The following SRGAP3 variants were observed in gnomAD, a reference collection of about 807,000 sequenced individuals.
SRGAP3 encodes SLIT-ROBO Rho GTPase activating protein 3.
In SRGAP3, 39 loss-of-function variants were observed where a neutral mutation model predicts 121.1. The observed-to-expected ratio is 0.32, with a 90% confidence interval of 0.25 to 0.42. The LOEUF (loss-of-function observed/expected upper bound fraction) is 0.42, where lower values mean the gene tolerates loss of function less well. Among genes scored for constraint, SRGAP3 ranks in the 10% least tolerant of loss-of-function variants. SRGAP3 has a pLI of 1.00. For synonymous variants in SRGAP3, 601 were observed against 570.0 expected (o/e 1.05, Z -0.77); for missense variants, 1,213 against 1,470.6 (o/e 0.82, Z 2.86).
chr3:9,321,975 AAAT>A (rs1358303634), intron 3 of SRGAP3, among the ~76,000 whole-genome samples: 7 of 151,024 alleles, frequency 4.6e-5, no homozygotes, highest in Admixed American at 2.0e-4. Flanking sequence ...ACAACTTAAA[AAAT>A]AATAATAATA....
chr3:9,086,290 C>G (rs181772100), intron 3 of SRGAP3, among the ~76,000 whole-genome samples: 1 of 152,260 alleles, frequency 6.6e-6, no homozygotes, highest in African/African-American at 2.4e-5. Flanking sequence ...CTTTGAGAGA[C>G]TGAGGCAGGC....
rs1952702110 is a variant in SRGAP3, at chr3:9,218,422, C to A, written c.67+30463G>T. 1 of 152,150 alleles carries A rather than the reference C, an allele frequency of 6.6e-6. No homozygotes were observed. The highest frequency in any genetic ancestry group is 2.1e-4 in the South Asian group (1 of 4,820). 9.4% of individuals were successfully genotyped at this position (152,150 alleles called of 1,614,324 possible). On this transcript the variant is annotated intron_variant, in intron 1 of 21. Coordinates refer to ENST00000383836, the MANE Select transcript of SRGAP3 (RefSeq NM_014850.4). This position sits in a 1 kb window ranked among gnomAD's most constrained non-coding sequence, Gnocchi z 5.3. Reference sequence around the variant, plus strand: ...TTAGCAGAGAAAATAAACACACCGTCCATATACACCATGCCCAGCCCCAAG... The same window carrying A: ...TTAGCAGAGAAAATAAACACACCGTACATATACACCATGCCCAGCCCCAAG...
intron 2 of SRGAP3, among the ~76,000 whole-genome samples, chr3:9,107,238 G>A (rs1258981542): frequency 6.6e-6 from 1 of 152,220 alleles, no homozygotes; most frequent in African/African-American, 2.4e-5. Flanking sequence ...TCTTGGGTGG[G>A]TTCTGGGCAC....
intron 1 of SRGAP3, among the ~76,000 whole-genome samples, chr3:9,195,561 C>A (rs1294239871): frequency 6.6e-6 from 1 of 152,186 alleles, no homozygotes; most frequent in South Asian, 2.1e-4. Context: ...AGCTCCTCCC[C>A]CTCCCCATCC....
chr3:9,185,031 G>C (rs1218560135), intron 1 of SRGAP3, among the ~76,000 whole-genome samples: 1 of 152,154 alleles, frequency 6.6e-6, no homozygotes, highest in Non-Finnish European at 1.5e-5. Context: ...TTCAAGACCA[G>C]CCTGGCCAAC....
At chr3:9,054,645 C>T (rs1178990083) in intron 8 of SRGAP3, among the ~76,000 whole-genome samples, 1 of 152,204 alleles carries the variant, frequency 6.6e-6, no homozygotes, top group Non-Finnish European at 1.5e-5. Context: ...CCATTGTTCA[C>T]TCATATTTGG....
At chr3:9,353,538 T>C (rs1405910943) in intron 1 of SRGAP3, among the ~76,000 whole-genome samples, 1 of 152,238 alleles carries the variant, frequency 6.6e-6, no homozygotes, top group Non-Finnish European at 1.5e-5. Context: ...TGGCACTAAG[T>C]CCACCAACAA....
chr3:9,072,553 C>T (rs1946769075), intron 4 of SRGAP3, among the ~76,000 whole-genome samples: 1 of 152,262 alleles, frequency 6.6e-6, no homozygotes, highest in Admixed American at 6.5e-5. Flanking sequence ...GGCTGGCAGG[C>T]TGTGACAGCC....
chr3:9,293,495 T>C (rs1247007191), intron 3 of SRGAP3, among the ~76,000 whole-genome samples: 4 of 152,208 alleles, frequency 2.6e-5, no homozygotes, highest in Admixed American at 6.5e-5. Flanking sequence ...TGTCCTGATC[T>C]AATTAAACTA....
intron 1 of SRGAP3, among the ~76,000 whole-genome samples, chr3:9,174,897 C>G (rs1951120778): frequency 6.6e-6 from 1 of 152,162 alleles, no homozygotes; most frequent in South Asian, 2.1e-4. Flanking sequence ...ATGGGAGTGA[C>G]TGAGGCCCAT....
intron 3 of SRGAP3, among the ~76,000 whole-genome samples, chr3:9,092,087 G>A (rs534863676): frequency 2.6e-5 from 4 of 152,108 alleles, no homozygotes; most frequent in South Asian, 2.1e-4. Flanking sequence ...AGGCATGCAC[G>A]GAGGCAGTGA....
intron 1 of SRGAP3, among the ~76,000 whole-genome samples, chr3:9,189,725 A>C: frequency 6.6e-6 from 1 of 152,196 alleles, no homozygotes; most frequent in East Asian, 1.9e-4. Flanking sequence ...CAGAAGTTTC[A>C]TGTCCTTCAC....
At chr3:9,195,351 G>A (rs115189180) in intron 1 of SRGAP3, among the ~76,000 whole-genome samples, 9 of 152,248 alleles carry the variant, frequency 5.9e-5, no homozygotes, top group South Asian at 2.1e-4. Flanking sequence ...CCACAAGCTC[G>A]TAAGGGTCAG....
intron 1 of SRGAP3, among the ~76,000 whole-genome samples, chr3:9,191,577 G>A (rs551937572): frequency 6.6e-6 from 1 of 152,294 alleles, no homozygotes; most frequent in African/African-American, 2.4e-5. Context: ...GTTAGACTAG[G>A]GAAGATGAGG....
chr3:9,083,595 G>C (rs1411675720), intron 3 of SRGAP3, among the ~76,000 whole-genome samples: 1 of 152,140 alleles, frequency 6.6e-6, no homozygotes. Context: ...ATATACCAGA[G>C]GCATCATAAT....
At chr3:9,201,932 T>C (rs1257898372) in intron 1 of SRGAP3, among the ~76,000 whole-genome samples, 2 of 152,224 alleles carry the variant, frequency 1.3e-5, no homozygotes, top group East Asian at 3.8e-4. Context: ...CGTTGGGTGT[T>C]ACTATTTGCA....
intron 18 of SRGAP3, among the ~76,000 whole-genome samples, chr3:9,009,897 A>G (rs1307401907): frequency 6.6e-6 from 1 of 152,192 alleles, no homozygotes; most frequent in African/African-American, 2.4e-5. Flanking sequence ...GAGTTCCTCA[A>G]GGACCGACGT....
At chr3:9,115,107 C>T (rs935485542) in intron 2 of SRGAP3, among the ~76,000 whole-genome samples, 4 of 152,166 alleles carry the variant, frequency 2.6e-5, no homozygotes, top group Admixed American at 6.5e-5. Context: ...AGTTCTTTCA[C>T]GGGTCAGCTG....
rs1402613147 is a variant in SRGAP3 at position 9,013,721 on chromosome 3, T to C, written c.1919+16A>G. ...CAGGCCTGAGTCAAAAAGGGGCCCCTTGGCCAGACACTCACTGGTTGAGGA... is the reference window on the plus strand; with the variant it reads ...CAGGCCTGAGTCAAAAAGGGGCCCCCTGGCCAGACACTCACTGGTTGAGGA... On this transcript the variant is annotated intron_variant, in intron 16 of 21. Transcript: ENST00000383836. The C allele has an allele frequency of 4.3e-6, 7 of 1,613,748 alleles. No homozygotes were observed. The highest frequency in any genetic ancestry group is 5.9e-6 in the Non-Finnish European group (7 of 1,179,828).
Sources: gnomAD v4.1 joint callset for allele counts (sites outside exome capture counted in the v4.1 genomes callset) on GRCh38, gnomAD v4.1.1 for gene constraint, Gnocchi (gnomAD v3.1) non-coding constraint, MANE v1.5 for transcripts, NCBI Gene and HGNC (gene_info 2026-07-23, HGNC 2026-07-21) for gene names.